The following SLC2A9 variants were observed in gnomAD, a reference collection of about 807,000 sequenced individuals.
SLC2A9 encodes solute carrier family 2 member 9, also known as solute carrier family 2, facilitated glucose transporter member 9.
A neutral mutation model predicts 50.6 loss-of-function variants in SLC2A9; 39 were observed. The ratio of observed to expected loss-of-function variants is 0.77; its 90% CI spans 0.60 to 1.01. The LOEUF (loss-of-function observed/expected upper bound fraction) is 1.01. Ranked by LOEUF, SLC2A9 falls within the 50% of genes least tolerant of loss-of-function variation. The probability of loss-of-function intolerance (pLI) is 0.00; values close to 1 mark genes in which losing one functional copy is unlikely to be tolerated. For synonymous variants in SLC2A9, 324 were observed against 276.9 expected (o/e 1.17, Z -1.69); for missense variants, 686 against 677.6 (o/e 1.01, Z -0.14).
chr4:9,783,701 T>C, intron 3 of SLC2A9: 4 of 526,514 alleles, frequency 7.6e-6, no homozygotes, highest in South Asian at 5.8e-5. Flanking sequence ...AACGATCCTA[T>C]GAGAGAAGAG....
intron 5 of SLC2A9, among the ~76,000 whole-genome samples, chr4:9,960,147 C>G (rs1010960619): frequency 1.3e-5 from 2 of 152,208 alleles, no homozygotes; most frequent in Non-Finnish European, 2.9e-5. Flanking sequence ...AATTTGAAAT[C>G]TGCCAGAAGC....
At chr4:9,888,348 A>ATTATTACATAAT (rs1375890917) in intron 9 of SLC2A9, among the ~76,000 whole-genome samples, 1 of 151,804 alleles carries the variant, frequency 6.6e-6, no homozygotes, top group African/African-American at 2.4e-5. Context: ...TGCTTAAAAG[A>ATTATTACATAAT]AGTTATCTTA....
intron 6 of SLC2A9, among the ~76,000 whole-genome samples, chr4:9,936,565 G>T (rs1170649290): frequency 2.0e-5 from 3 of 152,250 alleles, no homozygotes; most frequent in Non-Finnish European, 2.9e-5. Context: ...CTCAAGCACT[G>T]TCATGGCTAA....
At chr4:9,985,170 G>C (rs1756503218) in intron 4 of SLC2A9, among the ~76,000 whole-genome samples, 1 of 152,026 alleles carries the variant, frequency 6.6e-6, no homozygotes, top group Admixed American at 6.6e-5. Context: ...TCTACCTTAT[G>C]TATCTGTCTG....
chr4:9,985,641 T>C (rs1429941050), intron 4 of SLC2A9, 28 bp downstream of exon 4: 8 of 1,613,756 alleles, frequency 5.0e-6, no homozygotes, highest in Non-Finnish European at 6.8e-6. Flanking sequence ...TATGTTACTG[T>C]TCCCTCCCCG....
At chr4:9,863,969 TA>T (rs1732048862) in intron 10 of SLC2A9, among the ~76,000 whole-genome samples, 1 of 152,088 alleles carries the variant, frequency 6.6e-6, no homozygotes. Context: ...TGCAGCCACC[TA>T]CACATTCCTC....
intron 3 of SLC2A9, among the ~76,000 whole-genome samples, chr4:9,802,868 A>G (rs1721638818): frequency 6.6e-6 from 1 of 152,144 alleles, no homozygotes; most frequent in African/African-American, 2.4e-5. Context: ...CCGGCTGGGT[A>G]AAGAGTTTTC....
intron 10 of SLC2A9, among the ~76,000 whole-genome samples, chr4:9,875,818 C>G (rs1166346477): frequency 6.6e-6 from 1 of 152,170 alleles, no homozygotes; most frequent in Non-Finnish European, 1.5e-5. Context: ...TCTTATTCCT[C>G]TTTGTGCTCC....
chr4:10,000,802 G>A (rs1034255749), intron 2 of SLC2A9, among the ~76,000 whole-genome samples: 5 of 152,234 alleles, frequency 3.3e-5, no homozygotes, highest in African/African-American at 7.2e-5. Context: ...CTCTGCCCCT[G>A]AATTCCTTTC....
chr4:9,824,869 T>C (rs1233691941), downstream of SLC2A9, among the ~76,000 whole-genome samples: 1 of 152,170 alleles, frequency 6.6e-6, no homozygotes, highest in Non-Finnish European at 1.5e-5. Context: ...TTTCTCTTCG[T>C]CTTGACAAAC....
At chr4:9,855,837 A>G (rs1297948102) in intron 10 of SLC2A9, among the ~76,000 whole-genome samples, 3 of 152,218 alleles carry the variant, frequency 2.0e-5, no homozygotes, top group Non-Finnish European at 2.9e-5. Context: ...ATCTTCAACA[A>G]GCTGACAAAA....
At chr4:9,941,877 G>T (rs1487061480) in intron 6 of SLC2A9, 36 bp downstream of exon 6, 2 of 1,613,266 alleles carry the variant, frequency 1.2e-6, no homozygotes, top group South Asian at 1.1e-5. Flanking sequence ...ATCTATGCAG[G>T]GGCTGGAGCT....
Position 9,834,766 on chromosome 4 carries a change from T to C in SLC2A9, c.1419+115A>G, listed in dbSNP as rs186619269. On this transcript the variant is annotated intron_variant, in intron 11 of 11. Transcript: ENST00000264784. Reference sequence around the variant, plus strand: ...ATAGTTTCTTCCTTCCTTAGGAAAATAGCATGAGTTTCCAGTTGAGAGGAG... The same window carrying C: ...ATAGTTTCTTCCTTCCTTAGGAAAACAGCATGAGTTTCCAGTTGAGAGGAG... 4.3e-5 allele frequency: 65 copies of C among 1,504,928 alleles called. No homozygotes were observed. The East Asian group carries it at 1.1e-3, about 26-fold the overall frequency. The allele number at this position is 1,504,928 out of a possible 1,614,324, so 93.2% of individuals were successfully genotyped here. A position where few individuals can be genotyped will look rare whatever the true frequency, so the allele number is the denominator to read the frequency against.
intron 3 of SLC2A9, chr4:9,782,312 A>T (rs1417894577): frequency 6.2e-7 from 1 of 1,613,996 alleles, no homozygotes; most frequent in Admixed American, 1.7e-5. Context: ...GCTGCTGGTC[A>T]TGCCCTGGAA....
At position 9,974,520 on chromosome 4, in the gene SLC2A9, CA is replaced by C. The variant is rs34012301; in HGVS notation, c.681+6071del. Among the ~76,000 whole-genome samples the C allele has an allele frequency of 9.9e-3, 1,430 of 144,654 alleles. 27 individuals are homozygous for C. Among genetic ancestry groups the C allele is most frequent in the African/African-American group, 0.035 (1,369 of 39,084 alleles). The allele number at this position is 144,654 out of a possible 152,430, so 94.9% of individuals were successfully genotyped here. A position where few individuals can be genotyped will look rare whatever the true frequency, so the allele number is the denominator to read the frequency against. On this transcript the variant is annotated intron_variant, in intron 5 of 11. Transcript: ENST00000264784. ...ATGCAATCCCATTTATAATAGCTGCCAAAAAAAAAAACTAGGAAATAATTAA... is the reference window on the plus strand; with the variant it reads ...ATGCAATCCCATTTATAATAGCTGCCAAAAAAAAAACTAGGAAATAATTAA...
chr4:10,017,542 A>C (rs915008852), intron 2 of SLC2A9, among the ~76,000 whole-genome samples: 1 of 152,228 alleles, frequency 6.6e-6, no homozygotes, highest in Non-Finnish European at 1.5e-5. Flanking sequence ...AGACTTTTTA[A>C]ACATAGAACT....
Position 9,815,204 on chromosome 4 carries a change from GA to G in SLC2A9, n.420+11215del, listed in dbSNP as rs532224315. Among the ~76,000 whole-genome samples the G allele has an allele frequency of 3.3e-3, 500 of 152,306 alleles. 4 individuals are homozygous for G. Among genetic ancestry groups the G allele is most frequent in the African/African-American group, 0.011 (473 of 41,572 alleles). On this transcript the variant is annotated intron_variant and non_coding_transcript_variant, in intron 3 of 3. Transcript: ENST00000503280. ...CACGCCAGCACCAGGGAAAGCACCA[GA>G]ACTCCAGCAAAGCTGCTGTGACTAG...
rs191672718 is a variant in SLC2A9 at position 9,885,553 on chromosome 4, G to A, written c.1291+2014C>T. 7.9e-5 allele frequency among the ~76,000 whole-genome samples: 12 copies of A among 152,284 alleles called. 1 individual carries two copies. The highest frequency in any genetic ancestry group is 5.9e-4 in the Admixed American group (9 of 15,300). The stretch of plus-strand genomic sequence containing the variant: ...CTGCCAGGGCAGGCTCCCGTGTTAC[G>A]CTGCTCACAAAAGCACACATCTTCC... On this transcript the variant is annotated intron_variant, in intron 10 of 11. Transcript: ENST00000264784.
chr4:9,895,897 A>G (rs1224925862), intron 8 of SLC2A9, among the ~76,000 whole-genome samples: 2 of 152,214 alleles, frequency 1.3e-5, no homozygotes, highest in African/African-American at 2.4e-5. Flanking sequence ...TTATCATTTC[A>G]TATTGCTTAT....
Sources: allele counts gnomAD v4.1 joint callset (sites outside exome capture counted in the v4.1 genomes callset), GRCh38; gene constraint gnomAD v4.1.1; transcripts MANE v1.5; gene names NCBI Gene and HGNC (gene_info 2026-07-23, HGNC 2026-07-21).